The following ZNF484 variants were observed in gnomAD, a reference collection of about 807,000 sequenced individuals.
ZNF484 encodes the protein zinc finger protein 484, also known as KRAB box containing C2H2 type zinc finger bA526D8.4.
ZNF484 carries 11 observed loss-of-function variants against 12.9 expected under a neutral mutation model. That is an observed-to-expected ratio of 0.85 (90% CI 0.54 to 1.41). ZNF484 has a LOEUF of 1.41. Among genes scored for constraint, ZNF484 ranks in the 40% most tolerant of loss-of-function variants. The pLI is 0.00. For missense variants in ZNF484, 807 were observed against 1,007.7 expected, an observed-to-expected ratio of 0.80 and a Z score of 2.70; for synonymous variants, 289 against 334.1, an observed-to-expected ratio of 0.86 and a Z score of 1.47.
chr9:92,856,463 T>C (rs1036346072), intron 2 of ZNF484, 145 bp from the exon 3 acceptor site: 17 of 539,204 alleles, frequency 3.2e-5, no homozygotes, highest in African/African-American at 5.8e-5. Flanking sequence ...CAATATACTA[T>C]AAAGAACTTC....
At chr9:92,873,386 C>T (rs1857577818) in intron 2 of ZNF484, among the ~76,000 whole-genome samples, 1 of 152,088 alleles carries the variant, frequency 6.6e-6, no homozygotes, top group African/African-American at 2.4e-5. Context: ...CTACTAACAG[C>T]TCTGCACACA....
chr9:92,860,582 C>T (rs1240488803), intron 2 of ZNF484, among the ~76,000 whole-genome samples: 20 of 134,084 alleles, frequency 1.5e-4, no homozygotes, highest in Admixed American at 3.5e-4. Context: ...CCAGCCTGGG[C>T]GACAGAGCGA....
intron 4 of ZNF484, among the ~76,000 whole-genome samples, chr9:92,850,823 C>T (rs1195001171): frequency 6.6e-6 from 1 of 152,154 alleles, no homozygotes; most frequent in Admixed American, 6.5e-5. Context: ...TCTCAAACTC[C>T]TGACCTCAAG....
At chr9:92,873,622 G>GT (rs1428785077) in intron 2 of ZNF484, among the ~76,000 whole-genome samples, 2 of 152,264 alleles carry the variant, frequency 1.3e-5, no homozygotes, top group African/African-American at 2.4e-5. Context: ...ATTCTACACA[G>GT]TTTTTTCCAG....
intron 3 of ZNF484, 126 bp downstream of exon 3, chr9:92,856,066 T>C: frequency 1.4e-6 from 2 of 1,403,376 alleles, no homozygotes; most frequent in Non-Finnish European, 2.0e-6. Context: ...TTACACACTT[T>C]AGATGTCCTG....
intron 2 of ZNF484, among the ~76,000 whole-genome samples, chr9:92,869,728 A>C (rs930330273): frequency 3.3e-5 from 5 of 152,214 alleles, no homozygotes; most frequent in African/African-American, 1.2e-4. Context: ...TACCAATACA[A>C]ACATGTTATT....
chr9:92,872,990 C>T (rs1030346605), intron 2 of ZNF484, among the ~76,000 whole-genome samples: 2 of 151,924 alleles, frequency 1.3e-5, no homozygotes, highest in African/African-American at 4.8e-5. Context: ...GAAATCAAGA[C>T]ATTCTCAGTC....
At chr9:92,872,628 T>A (rs1383277138) in intron 2 of ZNF484, among the ~76,000 whole-genome samples, 4 of 152,004 alleles carry the variant, frequency 2.6e-5, no homozygotes, top group Admixed American at 2.6e-4. Flanking sequence ...AATTGTGAAA[T>A]GTGGGCACCC....
chr9:92,848,328 A>G lies in ZNF484; in HGVS notation c.459T>C (p.Phe153=). 6.2e-7 allele frequency: 1 copy of G among 1,614,124 alleles called. No individual in the cohort carries two copies. The change falls in exon 5 of 5, where the codon TTT becomes TTC. Residue 153 remains phenylalanine (F), a synonymous_variant. Transcript: ENST00000375495. The surrounding 1 kb of genome is among the most constrained non-coding windows in gnomAD (Gnocchi z 4.1). ...NKKTLANDSI[F]EYKDIGEIVH... ...CTATTTCCCCAATGTCCTTATATTC[A>G]AAGATGCTGTCATTAGCTAGTGTTT...
At chr9:92,872,298 G>C (rs1409204646) in intron 2 of ZNF484, among the ~76,000 whole-genome samples, 1 of 98,982 alleles carries the variant, frequency 1.0e-5, no homozygotes, top group African/African-American at 5.1e-5. Context: ...AGAAAGATGC[G>C]ACTACAAAAG....
rs922001562 is a variant in ZNF484, at chr9:92,848,763, C to G, written c.236-212G>C. 6.6e-6 allele frequency among the ~76,000 whole-genome samples: 1 copy of G among 151,614 alleles called. No homozygotes were observed. The highest frequency in any genetic ancestry group is 1.5e-5 in the Non-Finnish European group (1 of 67,914). On this transcript the variant is annotated intron_variant, in intron 4 of 4. Coordinates refer to ENST00000375495, the MANE Select transcript of ZNF484 (RefSeq NM_031486.4). The surrounding 1 kb of genome is among the most constrained non-coding windows in gnomAD (Gnocchi z 4.1). ...AAATATTGTCTCTACTAAAAATTAGCCAGGCGTGGTGGTACATGCCTGTAA... is the reference window on the plus strand; with the variant it reads ...AAATATTGTCTCTACTAAAAATTAGGCAGGCGTGGTGGTACATGCCTGTAA...
intron 2 of ZNF484, among the ~76,000 whole-genome samples, chr9:92,867,688 A>G (rs531192053): frequency 2.0e-5 from 3 of 152,226 alleles, no homozygotes; most frequent in Non-Finnish European, 4.4e-5. Context: ...AAGTGAAGAA[A>G]AGAGTCCTTA....
intron 1 of ZNF484, among the ~76,000 whole-genome samples, chr9:92,876,560 G>C (rs1857826497): frequency 6.6e-6 from 1 of 152,154 alleles, no homozygotes; most frequent in Admixed American, 6.6e-5. Flanking sequence ...GGGTGGCAAT[G>C]TGAGTATCAA....
chr9:92,874,977 A>G, intron 2 of ZNF484, 38 bp downstream of exon 2: 1 of 1,609,040 alleles, frequency 6.2e-7, no homozygotes, highest in South Asian at 1.1e-5. Context: ...AAAGTAAAAG[A>G]AAGCAACAAA....
rs1014507646 is a variant in ZNF484 at position 92,877,942 on chromosome 9, A to T, written c.-83T>A. Reference sequence around the variant, plus strand: ...CAGTGGTCATTTGCCTCGGGAGGTGACTATAGTCGCAAGAACCAGAACAGG... The same window carrying T: ...CAGTGGTCATTTGCCTCGGGAGGTGTCTATAGTCGCAAGAACCAGAACAGG... On this transcript the variant is annotated 5_prime_UTR_variant, in exon 1 of 5. Transcript: ENST00000375495. 51 of 1,452,308 alleles carry T rather than the reference A, an allele frequency of 3.5e-5. No individual in the cohort carries two copies. The African/African-American group carries it at 6.3e-4, about 18-fold the overall frequency. The allele number at this position is 1,452,308 out of a possible 1,614,324, so 90.0% of individuals were successfully genotyped here. A position where few individuals can be genotyped will look rare whatever the true frequency, so the allele number is the denominator to read the frequency against.
intron 3 of ZNF484, 52 bp from the exon 4 acceptor site, chr9:92,855,955 C>T (rs753547271): frequency 1.9e-6 from 3 of 1,589,844 alleles, no homozygotes; most frequent in Non-Finnish European, 2.6e-6. Flanking sequence ...TACAATGAAG[C>T]ATTCCATTTT....
At chr9:92,863,114 C>A (rs903632129) in intron 2 of ZNF484, among the ~76,000 whole-genome samples, 1 of 152,012 alleles carries the variant, frequency 6.6e-6, no homozygotes, top group Admixed American at 6.6e-5. Context: ...ATATCCTTTG[C>A]AGGGACATGC....
intron 2 of ZNF484, among the ~76,000 whole-genome samples, chr9:92,869,163 A>G (rs567201738): frequency 2.6e-5 from 4 of 152,132 alleles, no homozygotes; most frequent in Admixed American, 2.6e-4. Flanking sequence ...ATTAATGTTT[A>G]TATTATATTA....
chr9:92,872,184 T>C (rs1009472869), intron 2 of ZNF484, among the ~76,000 whole-genome samples: 17 of 139,492 alleles, frequency 1.2e-4, no homozygotes, highest in African/African-American at 4.3e-4. Flanking sequence ...TGAGCCAAGA[T>C]CGCGCCATTG....
Sources: allele counts gnomAD v4.1 joint callset (sites outside exome capture counted in the v4.1 genomes callset), GRCh38; gene constraint gnomAD v4.1.1; non-coding constraint Gnocchi (gnomAD v3.1); transcripts MANE v1.5; gene names NCBI Gene and HGNC (gene_info 2026-07-23, HGNC 2026-07-21).